GRM8: variants seen among roughly 807,000 people sequenced by gnomAD.
GRM8 encodes the protein glutamate metabotropic receptor 8, also known as metabotropic glutamate receptor 8.
A neutral mutation model predicts 87.2 loss-of-function variants in GRM8; 47 were observed. The observed-to-expected ratio is 0.54, with a 90% CI of 0.43 to 0.69. GRM8 has a LOEUF of 0.69. Among genes scored for constraint, GRM8 ranks in the 30% least tolerant of loss-of-function variants. The probability of loss-of-function intolerance (pLI) is 0.00; values close to 1 mark genes in which losing one functional copy is unlikely to be tolerated. For missense variants in GRM8, 1,019 were observed against 1,139.2 expected, an observed-to-expected ratio of 0.89 and a Z score of 1.52; for synonymous variants, 396 against 404.5, an observed-to-expected ratio of 0.98 and a Z score of 0.25.
chr7:126,819,275 T>TACACACACACACACACACACACAC (rs3038867), intron 6 of GRM8, among the ~76,000 whole-genome samples: 8 of 148,230 alleles, frequency 5.4e-5, no homozygotes, highest in South Asian at 4.3e-4. Flanking sequence ...CAGACACACA[T>TACACACACACACACACACACACAC]ACACACACAC....
intron 6 of GRM8, among the ~76,000 whole-genome samples, chr7:126,891,228 C>CT (rs1800972689): frequency 6.6e-6 from 1 of 152,032 alleles, no homozygotes; most frequent in African/African-American, 2.4e-5. Flanking sequence ...CCTAAAATGT[C>CT]TTTTTATTAA....
Position 126,582,943 on chromosome 7 carries a change from A to C in GRM8, c.1494+26419T>G, listed in dbSNP as rs1585120311. 5.3e-5 allele frequency among the ~76,000 whole-genome samples: 8 copies of C among 152,348 alleles called. No individual in the cohort carries two copies. In the South Asian group the frequency reaches 1.7e-3, roughly 32 times the overall value. ...CTTTGACAAGGTACTTAGTCACCCC[A>C]AAGCTCCAGTGGAGATATATAGAGA... On this transcript the variant is annotated intron_variant, in intron 8 of 10. Coordinates refer to ENST00000339582, the MANE Select transcript of GRM8 (RefSeq NM_000845.3).
chr7:127,038,551 G>A (rs969749224), intron 3 of GRM8, among the ~76,000 whole-genome samples: 4 of 151,976 alleles, frequency 2.6e-5, no homozygotes, highest in Non-Finnish European at 4.4e-5. Flanking sequence ...AATAAGCTTC[G>A]AGTGAACTCA....
chr7:126,484,707 G>T (rs1427304540), intron 9 of GRM8, among the ~76,000 whole-genome samples: 1 of 151,858 alleles, frequency 6.6e-6, no homozygotes, highest in African/African-American at 2.4e-5. Flanking sequence ...TATTCCAAAA[G>T]TTTTTGTTTC....
At chr7:126,935,003 T>C (rs1806155076) in intron 3 of GRM8, among the ~76,000 whole-genome samples, 1 of 152,168 alleles carries the variant, frequency 6.6e-6, no homozygotes, top group Non-Finnish European at 1.5e-5. Context: ...AGAATGCAAA[T>C]CTTGTACATG....
intron 3 of GRM8, among the ~76,000 whole-genome samples, chr7:126,979,818 G>A (rs10487463): frequency 0.31 from 47,847 of 152,072 alleles, 7,598 homozygotes; most frequent in Non-Finnish European, 0.35. Flanking sequence ...CAGTGAATCC[G>A]TTATTTCCTT....
At chr7:126,978,811 T>C (rs1811254999) in intron 3 of GRM8, among the ~76,000 whole-genome samples, 1 of 152,198 alleles carries the variant, frequency 6.6e-6, no homozygotes, top group South Asian at 2.1e-4. Flanking sequence ...AAACAAATGG[T>C]TAGCCTAAGG....
intron 7 of GRM8, among the ~76,000 whole-genome samples, chr7:126,616,066 A>G (rs1799457098): frequency 6.6e-6 from 1 of 152,226 alleles, no homozygotes; most frequent in Non-Finnish European, 1.5e-5. Flanking sequence ...AATCAACAGA[A>G]TATACATTCT....
chr7:126,930,204 C>G (rs1805617056), intron 3 of GRM8, among the ~76,000 whole-genome samples: 1 of 152,188 alleles, frequency 6.6e-6, no homozygotes, highest in Non-Finnish European at 1.5e-5. Context: ...AACCCAGTTC[C>G]TATTTCCTGG....
At chr7:126,777,459 CTG>C (rs1819604664) in intron 6 of GRM8, among the ~76,000 whole-genome samples, 1 of 152,112 alleles carries the variant, frequency 6.6e-6, no homozygotes, top group Non-Finnish European at 1.5e-5. Flanking sequence ...TCCTTCTCCT[CTG>C]TGAAATTTCC....
chr7:126,532,644 GA>G (rs978938890), intron 9 of GRM8, among the ~76,000 whole-genome samples: 2 of 151,748 alleles, frequency 1.3e-5, no homozygotes, highest in African/African-American at 4.8e-5. Context: ...GGGAGACTCA[GA>G]AAGTGATGTG....
intron 6 of GRM8, among the ~76,000 whole-genome samples, chr7:126,819,797 T>C (rs1289050537): frequency 6.6e-6 from 1 of 152,040 alleles, no homozygotes; most frequent in Non-Finnish European, 1.5e-5. Flanking sequence ...ATTTATATCA[T>C]GTTGGGGAAT....
chr7:126,786,676 C>T (rs1039671657), intron 6 of GRM8, among the ~76,000 whole-genome samples: 3 of 152,156 alleles, frequency 2.0e-5, no homozygotes, highest in African/African-American at 7.2e-5. Flanking sequence ...ATTTTTAGTA[C>T]AATTCTATAA....
At chr7:126,803,694 C>T (rs1056148573) in intron 6 of GRM8, among the ~76,000 whole-genome samples, 5 of 152,200 alleles carry the variant, frequency 3.3e-5, no homozygotes, top group Admixed American at 6.5e-5. Flanking sequence ...CCTTAATTAT[C>T]TCTAAGCAAG....
At chr7:127,169,920 T>C (rs1216843566) in intron 2 of GRM8, among the ~76,000 whole-genome samples, 1 of 152,214 alleles carries the variant, frequency 6.6e-6, no homozygotes, top group African/African-American at 2.4e-5. Flanking sequence ...TCGTAGACAA[T>C]GTAACTGGTC....
chr7:126,605,595 G>C (rs1196853693), intron 8 of GRM8, among the ~76,000 whole-genome samples: 1 of 152,082 alleles, frequency 6.6e-6, no homozygotes, highest in Non-Finnish European at 1.5e-5. Flanking sequence ...TACCCTCTTT[G>C]TACAAATTTA....
intron 3 of GRM8, among the ~76,000 whole-genome samples, chr7:126,948,660 T>C (rs1387702600): frequency 2.0e-5 from 3 of 152,140 alleles, no homozygotes; most frequent in Non-Finnish European, 4.4e-5. Context: ...GGCTAGTCCG[T>C]GCCTGCTGCT....
chr7:126,835,086 T>G (rs377065563), intron 6 of GRM8, among the ~76,000 whole-genome samples: 6 of 137,410 alleles, frequency 4.4e-5, no homozygotes, highest in African/African-American at 1.6e-4. Context: ...AAAAAAAAAA[T>G]AAAAAAAAAA....
At chr7:126,832,171 CAA>C (rs11412862) in intron 6 of GRM8, among the ~76,000 whole-genome samples, 27 of 77,616 alleles carry the variant, frequency 3.5e-4, no homozygotes, top group East Asian at 3.0e-3. Flanking sequence ...TGCCATCTTC[CAA>C]AAAAAAAAAA....
Sources: allele counts gnomAD v4.1 joint callset (sites outside exome capture counted in the v4.1 genomes callset), GRCh38; gene constraint gnomAD v4.1.1; transcripts MANE v1.5; gene names NCBI Gene and HGNC (gene_info 2026-07-23, HGNC 2026-07-21).